Variants in FGR observed in about 807,000 individuals in gnomAD.
FGR encodes the protein FGR proto-oncogene, Src family tyrosine kinase.
In FGR, 26 loss-of-function variants were observed where a neutral mutation model predicts 63.2. The observed-to-expected ratio is 0.41, with a 90% CI of 0.30 to 0.57. The LOEUF is 0.57. Among genes scored for constraint, FGR ranks in the 20% least tolerant of loss-of-function variants. FGR has a pLI of 0.27. For missense variants in FGR, 511 were observed against 690.8 expected (o/e 0.74, Z 2.92); for synonymous variants, 286 against 277.7 (o/e 1.03, Z -0.30).
In FGR at chr1:27,615,433, C is replaced by T. The variant is rs746969326; in HGVS notation, c.1018+1G>A. 1 of 1,595,274 alleles carries T rather than the reference C, an allele frequency of 6.3e-7. No homozygotes were observed. Among genetic ancestry groups the T allele is most frequent in the East Asian group, 2.3e-5 (1 of 44,304 alleles). ...CGCCCGACCAGGCTCCGCCTCCTGA[C>T]CGTGACACATGAACTCGGTCACGAT... On this transcript the variant is annotated splice_donor_variant, in intron 9 of 12. Coordinates refer to ENST00000374005, the MANE Select transcript of FGR (RefSeq NM_005248.3). LOFTEE classifies it high-confidence loss of function. The surrounding 1 kb of genome is among the most constrained non-coding windows in gnomAD (Gnocchi z 7.6).
At chr1:27,625,387 A>T (rs1428778974) in intron 1 of FGR, among the ~76,000 whole-genome samples, 1 of 152,178 alleles carries the variant, frequency 6.6e-6, no homozygotes, top group African/African-American at 2.4e-5. Context: ...CCACCAGCAC[A>T]GTCACACAAT....
chr1:27,620,538 G>A (rs181111900), intron 5 of FGR, among the ~76,000 whole-genome samples: 40 of 152,086 alleles, frequency 2.6e-4, no homozygotes, highest in Admixed American at 6.5e-4. Flanking sequence ...GATCACTTGA[G>A]CTCAGGAGTT....
chr1:27,623,276 T>G (rs2089963640), intron 3 of FGR, 132 bp from the exon 4 acceptor site: 1 of 664,622 alleles, frequency 1.5e-6, no homozygotes, highest in Admixed American at 2.5e-5. Flanking sequence ...CCCAAAGGCC[T>G]TTGGGGTCCA....
Position 27,615,489 on chromosome 1 carries a change from C to G in FGR, c.963G>C (p.Leu321=). 1 of 1,613,304 alleles carries G rather than the reference C, an allele frequency of 6.2e-7. No individual in the cohort carries two copies. Among genetic ancestry groups the G allele is most frequent in the Non-Finnish European group, 8.5e-7 (1 of 1,179,282 alleles). ...TGGGCTCCTCCGACACCACGGCGTA[C>G]AGCTGCACCAGCTTGTCGTGCCGCA... ...KLLRHDKLVQ[L]YAVVSEEPIY... The change falls in exon 9 of 13, where the codon CTG becomes CTC. Residue 321 remains leucine (L), a synonymous_variant. Coordinates refer to ENST00000374005, the MANE Select transcript of FGR (RefSeq NM_005248.3). This position sits in a 1 kb window ranked among gnomAD's most constrained non-coding sequence, Gnocchi z 7.6.
In FGR at chr1:27,612,654, G is replaced by A; in HGVS notation, c.*260C>T. On this transcript the variant is annotated 3_prime_UTR_variant, in exon 13 of 13. Transcript: ENST00000374005. The stretch of plus-strand genomic sequence containing the variant: ...CTTTGGGTGGGGATGGAGTGAGAAA[G>A]GCTACAGGCATGTAGGGGCCTAAGT... 2.1e-6 allele frequency: 1 copy of A among 470,970 alleles called. No homozygotes were observed. 29.2% of individuals were successfully genotyped at this position (470,970 alleles called of 1,614,324 possible).
chr1:27,629,152 G>T (rs2090068967), intron 1 of FGR, among the ~76,000 whole-genome samples: 1 of 151,988 alleles, frequency 6.6e-6, no homozygotes, highest in Non-Finnish European at 1.5e-5. Context: ...CAGAGAGATA[G>T]AAGGAAGAGA....
chr1:27,615,007 A>G lies in FGR; in HGVS notation c.1019-81T>C. 4.7e-6 allele frequency: 5 copies of G among 1,061,100 alleles called. No homozygotes were observed. The highest frequency in any genetic ancestry group is 6.7e-6 in the Non-Finnish European group (5 of 749,188). The allele number at this position is 1,061,100 out of a possible 1,614,324, so 65.7% of individuals were successfully genotyped here. ...CTCCTCTCGCTTGACCCCGCCCCTC[A>G]GCCCCTCCCACCTGGACCCGCCCCT... On this transcript the variant is annotated intron_variant, in intron 9 of 12. Transcript: ENST00000374005. This position sits in a 1 kb window ranked among gnomAD's most constrained non-coding sequence, Gnocchi z 7.6.
At chr1:27,632,796 G>C (rs2090124945) in intron 1 of FGR, among the ~76,000 whole-genome samples, 1 of 152,162 alleles carries the variant, frequency 6.6e-6, no homozygotes, top group African/African-American at 2.4e-5. Flanking sequence ...AGATTTCACA[G>C]TGTGGCCAGA....
chr1:27,627,598 GTAT>G (rs907593794), intron 1 of FGR, among the ~76,000 whole-genome samples: 1 of 151,972 alleles, frequency 6.6e-6, no homozygotes, highest in African/African-American at 2.4e-5. Context: ...GATTTAAGTA[GTAT>G]TATTATTATT....
intron 1 of FGR, among the ~76,000 whole-genome samples, chr1:27,631,406 T>A (rs2090102555): frequency 6.6e-6 from 1 of 152,170 alleles, no homozygotes; most frequent in African/African-American, 2.4e-5. Flanking sequence ...CTATGCCAGT[T>A]CTTTGATGTA....
chr1:27,632,742 C>CGGCGGGG (rs1476083493), intron 1 of FGR, among the ~76,000 whole-genome samples: 2 of 149,064 alleles, frequency 1.3e-5, no homozygotes, highest in Non-Finnish European at 3.0e-5. Context: ...GAAGCCATGG[C>CGGCGGGG]GGCGGGGGGC....
At chr1:27,634,885 G>A (rs905078305) in intron 1 of FGR, among the ~76,000 whole-genome samples, 180 bp downstream of exon 1, 2 of 152,258 alleles carry the variant, frequency 1.3e-5, no homozygotes, top group South Asian at 2.1e-4. Context: ...TTTTCAGGTC[G>A]CCCGTTTTCC....
At chr1:27,620,317 AAAT>A (rs1195504525) in intron 5 of FGR, among the ~76,000 whole-genome samples, 2 of 152,024 alleles carry the variant, frequency 1.3e-5, no homozygotes, top group Admixed American at 6.6e-5. Flanking sequence ...ACTCTGTCTA[AAAT>A]AATAATATCA....
At chr1:27,621,731 A>G (rs1189655726) in intron 4 of FGR, 74 bp from the exon 5 acceptor site, 1 of 1,060,258 alleles carries the variant, frequency 9.4e-7, no homozygotes, top group Non-Finnish European at 1.5e-6. Context: ...GTGGAGCCAC[A>G]CAGGTCTGCA....
chr1:27,619,223 C>T (rs1160588534), intron 5 of FGR, among the ~76,000 whole-genome samples: 2 of 152,154 alleles, frequency 1.3e-5, no homozygotes, highest in African/African-American at 4.8e-5. Context: ...CGGAGTCTTG[C>T]TCTGTCACCC....
rs2089718661 is a variant in FGR at position 27,612,773 on chromosome 1, A to C, written c.*141T>G. 5 of 721,116 alleles carry C rather than the reference A, an allele frequency of 6.9e-6. No individual in the cohort carries two copies. The highest frequency in any genetic ancestry group is 1.1e-5 in the Non-Finnish European group (5 of 437,108). 44.7% of individuals were successfully genotyped at this position (721,116 alleles called of 1,614,324 possible). A position where few individuals can be genotyped will look rare whatever the true frequency, so the allele number is the denominator to read the frequency against. On this transcript the variant is annotated 3_prime_UTR_variant, in exon 13 of 13. Coordinates refer to ENST00000374005, the MANE Select transcript of FGR (RefSeq NM_005248.3). ...ATCTGTAAAACAAGTAGGTTGCCCT[A>C]GGTGGTGTCAGAGCAGCCACGTCCT...
At chr1:27,634,442 G>T (rs951733173) in intron 1 of FGR, among the ~76,000 whole-genome samples, 3 of 152,098 alleles carry the variant, frequency 2.0e-5, no homozygotes, top group Non-Finnish European at 2.9e-5. Context: ...CGAGAGGGTC[G>T]CGGGGCCGCG....
rs2089767003 is a variant in FGR at position 27,614,705 on chromosome 1, A to G, written c.1096-122T>C. ...CAGAGGGGGAGACTGAGGCCCAGAA[A>G]GAGAGGCAGTACCTCTCAGGCACAG... On this transcript the variant is annotated intron_variant, in intron 10 of 12. Coordinates refer to ENST00000374005, the MANE Select transcript of FGR (RefSeq NM_005248.3). 4.4e-6 allele frequency: 6 copies of G among 1,362,326 alleles called. No homozygotes were observed. In the African/African-American group the frequency reaches 8.7e-5, roughly 20 times the overall value. The allele number at this position is 1,362,326 out of a possible 1,614,324, so 84.4% of individuals were successfully genotyped here.
chr1:27,634,476 G>A (rs1015050728), intron 1 of FGR, among the ~76,000 whole-genome samples: 3 of 152,200 alleles, frequency 2.0e-5, no homozygotes, highest in African/African-American at 7.2e-5. Context: ...ACGTTACCCT[G>A]CGGGCTGTGG....
Sources: gnomAD v4.1 joint callset for allele counts (sites outside exome capture counted in the v4.1 genomes callset) on GRCh38, gnomAD v4.1.1 for gene constraint, Gnocchi (gnomAD v3.1) non-coding constraint, MANE v1.5 for transcripts, NCBI Gene and HGNC (gene_info 2026-07-23, HGNC 2026-07-21) for gene names.